Variants in GALNT17 observed in about 807,000 individuals in gnomAD.
GALNT17 encodes UDP-GalNAc:polypeptide N-acetylgalactosaminyltransferase-like 3.
GALNT17 carries 29 observed loss-of-function variants against 63.7 expected under a neutral mutation model. That is an observed-to-expected ratio of 0.46 (90% CI 0.34 to 0.62). GALNT17 has a LOEUF of 0.62. GALNT17 is among the 20% of genes least tolerant of loss of function. The pLI, the probability that GALNT17 is intolerant of heterozygous loss-of-function variation, is 0.01. For missense variants in GALNT17, 603 were observed against 799.6 expected (o/e 0.75, Z 2.97); for synonymous variants, 305 against 318.3 (o/e 0.96, Z 0.45).
At chr7:71,165,466 AAG>A (rs138266346) in intron 1 of GALNT17, among the ~76,000 whole-genome samples, 1 of 112,736 alleles carries the variant, frequency 8.9e-6, no homozygotes, top group Non-Finnish European at 2.0e-5. Context: ...GGCGACAGAC[AAG>A]AGAAGAGAGA....
At position 71,194,987 on chromosome 7, in the gene GALNT17, G is replaced by A. The variant is rs556774375; in HGVS notation, c.238+61947G>A. ...TGGATGTAAGTTGATGTAGAAATAC[G>A]TCTGCCTAGCACCTAGCTTTGGCCA... On this transcript the variant is annotated intron_variant, in intron 1 of 10. Transcript: ENST00000333538. Among the ~76,000 whole-genome samples the A allele has an allele frequency of 3.3e-5, 5 of 152,274 alleles. No homozygotes were observed. In the East Asian group the frequency reaches 5.8e-4, roughly 18 times the overall value.
chr7:71,254,051 G>T (rs552366111), intron 1 of GALNT17, among the ~76,000 whole-genome samples: 2 of 152,296 alleles, frequency 1.3e-5, no homozygotes, highest in East Asian at 1.9e-4. Flanking sequence ...GGAGACATAA[G>T]ACATCAATCA....
intron 5 of GALNT17, among the ~76,000 whole-genome samples, chr7:71,426,977 A>G (rs1157839703): frequency 6.6e-6 from 1 of 152,076 alleles, no homozygotes; most frequent in East Asian, 1.9e-4. Context: ...CTTCATAGGA[A>G]GTTATACCAT....
At chr7:71,184,989 T>TTCCCTCCC (rs1788815627) in intron 1 of GALNT17, among the ~76,000 whole-genome samples, 2 of 123,770 alleles carry the variant, frequency 1.6e-5, no homozygotes, top group Non-Finnish European at 3.2e-5. Flanking sequence ...CCTTCCTTCC[T>TTCCCTCCC]TCCTTCCTTC....
intron 6 of GALNT17, among the ~76,000 whole-genome samples, chr7:71,637,478 C>T (rs28758566): frequency 0.09 from 13,468 of 149,082 alleles, 849 homozygotes; most frequent in African/African-American, 0.19. Flanking sequence ...CGTGAGCCAC[C>T]GCACCTGGCC....
chr7:71,554,935 T>G (rs1486869747), intron 5 of GALNT17, among the ~76,000 whole-genome samples: 1 of 152,222 alleles, frequency 6.6e-6, no homozygotes. Flanking sequence ...AGAGGGTTAT[T>G]TGGCTTACGG....
At chr7:71,221,810 C>T (rs1789589784) in intron 1 of GALNT17, among the ~76,000 whole-genome samples, 1 of 151,942 alleles carries the variant, frequency 6.6e-6, no homozygotes, top group South Asian at 2.1e-4. Context: ...ACAGAGAGTT[C>T]CCTAATGGTA....
intron 2 of GALNT17, among the ~76,000 whole-genome samples, chr7:71,369,771 C>G (rs1169655631): frequency 7.2e-6 from 1 of 138,392 alleles, no homozygotes; most frequent in African/African-American, 2.7e-5. Context: ...GAGATCGCAC[C>G]ATTGCGCTCC....
intron 8 of GALNT17, among the ~76,000 whole-genome samples, chr7:71,671,666 A>G (rs1214041274): frequency 2.0e-5 from 3 of 152,198 alleles, no homozygotes; most frequent in Non-Finnish European, 4.4e-5. Context: ...GGGAGGAAGG[A>G]GAGTATCTCC....
intron 5 of GALNT17, among the ~76,000 whole-genome samples, chr7:71,556,162 AG>A (rs1175766158): frequency 6.6e-6 from 1 of 152,234 alleles, no homozygotes; most frequent in African/African-American, 2.4e-5. Flanking sequence ...TAAATACGCA[AG>A]GCCATCAGAA....
intron 6 of GALNT17, among the ~76,000 whole-genome samples, chr7:71,658,005 A>G (rs915063854): frequency 2.0e-5 from 3 of 152,118 alleles, no homozygotes; most frequent in African/African-American, 7.2e-5. Flanking sequence ...CATGGGCTCA[A>G]GTGATCCTCC....
At chr7:71,274,357 C>A (rs1790647192) in intron 1 of GALNT17, among the ~76,000 whole-genome samples, 1 of 152,148 alleles carries the variant, frequency 6.6e-6, no homozygotes, top group Non-Finnish European at 1.5e-5. Context: ...TAGCTCACTG[C>A]AGCCTTGACC....
At chr7:71,303,252 C>T (rs181997532) in intron 1 of GALNT17, among the ~76,000 whole-genome samples, 98 of 152,078 alleles carry the variant, frequency 6.4e-4, no homozygotes, top group Non-Finnish European at 1.2e-3. Context: ...GACCTGGGCT[C>T]AAGAGATTTT....
At chr7:71,450,043 C>CAA (rs35144500) in intron 5 of GALNT17, among the ~76,000 whole-genome samples, 1 of 140,112 alleles carries the variant, frequency 7.1e-6, no homozygotes, top group African/African-American at 2.6e-5. Context: ...AACTCCCTCT[C>CAA]AAAAAAAAAA....
chr7:71,246,570 C>T (rs1482389178), intron 1 of GALNT17, among the ~76,000 whole-genome samples: 1 of 151,802 alleles, frequency 6.6e-6, no homozygotes, highest in African/African-American at 2.4e-5. Flanking sequence ...GTGGCTCACG[C>T]CTCTAATCCC....
At chr7:71,615,322 C>A (rs1411342721) in intron 6 of GALNT17, among the ~76,000 whole-genome samples, 1 of 152,140 alleles carries the variant, frequency 6.6e-6, no homozygotes, top group East Asian at 1.9e-4. Flanking sequence ...GGCTGAGTCA[C>A]TTATGTCCCT....
At chr7:71,276,618 T>A (rs1168895059) in intron 1 of GALNT17, among the ~76,000 whole-genome samples, 1 of 152,160 alleles carries the variant, frequency 6.6e-6, no homozygotes, top group Non-Finnish European at 1.5e-5. Context: ...AAGACGTGGC[T>A]TTGCTTCTCC....
intron 9 of GALNT17, among the ~76,000 whole-genome samples, chr7:71,695,847 G>A (rs1791532561): frequency 6.6e-6 from 1 of 152,172 alleles, no homozygotes; most frequent in Non-Finnish European, 1.5e-5. Context: ...CTGGGACTGG[G>A]TCCTTGCTCT....
At chr7:71,224,150 G>A (rs1789639076) in intron 1 of GALNT17, among the ~76,000 whole-genome samples, 1 of 152,130 alleles carries the variant, frequency 6.6e-6, no homozygotes, top group Non-Finnish European at 1.5e-5. Context: ...TGCCTCCTGG[G>A]TTCAAGTGAT....
Sources: gnomAD v4.1 joint callset for allele counts (sites outside exome capture counted in the v4.1 genomes callset) on GRCh38, gnomAD v4.1.1 for gene constraint, MANE v1.5 for transcripts, NCBI Gene and HGNC (gene_info 2026-07-23, HGNC 2026-07-21) for gene names.